The following TBC1D5 variants were observed in gnomAD, a reference collection of about 807,000 sequenced individuals.
TBC1D5 encodes the protein TBC1 domain family member 5, also known as TBC1 domain family, member 5.
TBC1D5 carries 75 observed loss-of-function variants against 100.3 expected under a neutral mutation model. That is an observed-to-expected ratio of 0.75 (90% CI 0.62 to 0.91). TBC1D5 has a LOEUF of 0.91. TBC1D5 is among the 40% of genes least tolerant of loss of function. The pLI, the probability that TBC1D5 is intolerant of heterozygous loss-of-function variation, is 0.00. For synonymous variants in TBC1D5, 323 were observed against 325.6 expected (o/e 0.99, Z 0.09); for missense variants, 910 against 942.4 (o/e 0.97, Z 0.45).
chr3:17,650,350 T>C (rs1032330364), intron 1 of TBC1D5, among the ~76,000 whole-genome samples: 1 of 151,684 alleles, frequency 6.6e-6, no homozygotes, highest in East Asian at 1.9e-4. Context: ...GAAAAAGAAA[T>C]AAAAGAAATG....
chr3:17,230,818 C>T (rs527643041), intron 17 of TBC1D5, among the ~76,000 whole-genome samples: 1 of 152,108 alleles, frequency 6.6e-6, no homozygotes, highest in Non-Finnish European at 1.5e-5. Context: ...TTCAGGACCG[C>T]TGTGGATACC....
intron 13 of TBC1D5, chr3:17,338,681 T>C (rs759102690): frequency 5.9e-5 from 9 of 152,246 alleles, no homozygotes; most frequent in Non-Finnish European, 1.2e-4. Flanking sequence ...TCATTCATAA[T>C]TGAAAGACAT....
At chr3:17,549,823 G>A (rs1380712256) in intron 2 of TBC1D5, among the ~76,000 whole-genome samples, 4 of 151,878 alleles carry the variant, frequency 2.6e-5, no homozygotes, top group Admixed American at 1.3e-4. Flanking sequence ...CCAGCTACTC[G>A]TGAGGCTGAG....
intron 13 of TBC1D5, among the ~76,000 whole-genome samples, chr3:17,350,460 A>T (rs904257908): frequency 1.3e-5 from 2 of 152,158 alleles, no homozygotes; most frequent in Non-Finnish European, 2.9e-5. Flanking sequence ...TATCATTTAC[A>T]TTATATACTT....
intron 2 of TBC1D5, among the ~76,000 whole-genome samples, chr3:17,621,993 A>C (rs535281186): frequency 3.3e-5 from 5 of 152,250 alleles, no homozygotes; most frequent in African/African-American, 9.6e-5. Flanking sequence ...TCATCCATCA[A>C]ATCTGATTGG....
intron 2 of TBC1D5, among the ~76,000 whole-genome samples, chr3:17,533,129 T>C (rs936787251): frequency 6.6e-6 from 1 of 151,468 alleles, no homozygotes; most frequent in African/African-American, 2.4e-5. Context: ...ACCTAAACTA[T>C]TAAATATTCT....
chr3:17,194,494 C>T (rs957133294), intron 18 of TBC1D5, among the ~76,000 whole-genome samples: 3 of 152,140 alleles, frequency 2.0e-5, no homozygotes, highest in Non-Finnish European at 4.4e-5. Flanking sequence ...AACATTTATA[C>T]AATTTCTCAT....
rs1188860526 is a variant in TBC1D5, at chr3:17,648,180, A to G, written c.-100-24267T>C. Among the ~76,000 whole-genome samples, 7 of 152,132 alleles carry G rather than the reference A, an allele frequency of 4.6e-5. 1 individual carries two copies. The highest frequency in any genetic ancestry group is 1.2e-4 in the African/African-American group (5 of 41,432). ...AGAGAGCCAAGAAATAGGGCCGCAC[A>G]TCTATGACCATCTGATCTTCAAAAC... On this transcript the variant is annotated intron_variant, in intron 1 of 21. Transcript: ENST00000253692.
At chr3:17,542,502 C>T (rs1051974375) in intron 2 of TBC1D5, among the ~76,000 whole-genome samples, 2 of 152,150 alleles carry the variant, frequency 1.3e-5, no homozygotes, top group African/African-American at 4.8e-5. Context: ...AAAAGTACCA[C>T]ACCCAGCCAA....
intron 3 of TBC1D5, among the ~76,000 whole-genome samples, chr3:17,501,062 C>T (rs2095782571): frequency 2.0e-5 from 3 of 149,644 alleles, no homozygotes; most frequent in Admixed American, 6.6e-5. Flanking sequence ...CTTGTTACTG[C>T]ATTCAGAAAC....
intron 14 of TBC1D5, among the ~76,000 whole-genome samples, chr3:17,305,353 T>C (rs1420391655): frequency 1.3e-5 from 2 of 152,202 alleles, no homozygotes; most frequent in African/African-American, 4.8e-5. Flanking sequence ...CCTTAGGTAA[T>C]AGGACCATAT....
intron 1 of TBC1D5, among the ~76,000 whole-genome samples, chr3:17,641,197 C>A (rs150592098): frequency 1.3e-5 from 2 of 152,046 alleles, no homozygotes. Context: ...CACCAGGGGT[C>A]CTATGAATTA....
intron 1 of TBC1D5, among the ~76,000 whole-genome samples, chr3:17,627,889 T>C (rs1316266357): frequency 6.6e-6 from 1 of 152,172 alleles, no homozygotes; most frequent in Non-Finnish European, 1.5e-5. Context: ...ACGTGCTTTT[T>C]ATGCTTTATA....
chr3:17,220,326 T>C (rs2074132205), intron 17 of TBC1D5, among the ~76,000 whole-genome samples: 1 of 152,156 alleles, frequency 6.6e-6, no homozygotes, highest in African/African-American at 2.4e-5. Context: ...TGATATTTTA[T>C]ATATGTGAAC....
chr3:17,358,039 C>G lies in TBC1D5; in HGVS notation c.995+14036G>C, dbSNP rs561517461. On this transcript the variant is annotated intron_variant, in intron 13 of 21. Coordinates refer to ENST00000253692, the Ensembl canonical transcript of TBC1D5. ...ATATATGTAGTTCTGTACCTCCCCC[C>G]ACAACTCACTCCAGTTGGGGAAATT... Among the ~76,000 whole-genome samples, 273 of 152,252 alleles carry G rather than the reference C, an allele frequency of 1.8e-3. 2 individuals carry two copies. The highest frequency in any genetic ancestry group is 6.1e-3 in the African/African-American group (255 of 41,546).
intron 2 of TBC1D5, among the ~76,000 whole-genome samples, chr3:17,585,827 G>C (rs1576855095): frequency 6.6e-6 from 1 of 152,088 alleles, no homozygotes; most frequent in Non-Finnish European, 1.5e-5. Flanking sequence ...TATACCTATA[G>C]GACTCGGCTC....
chr3:17,542,788 C>T (rs888906996), intron 2 of TBC1D5, among the ~76,000 whole-genome samples: 9 of 152,064 alleles, frequency 5.9e-5, no homozygotes, highest in African/African-American at 2.2e-4. Flanking sequence ...ATGAATCATC[C>T]TTGCATTCCA....
intron 13 of TBC1D5, among the ~76,000 whole-genome samples, chr3:17,331,806 AAAG>A (rs2151171282): frequency 1.3e-5 from 2 of 152,362 alleles, no homozygotes; most frequent in African/African-American, 2.4e-5. Flanking sequence ...TAGAGATGTT[AAAG>A]AAGGAGACAG....
At chr3:17,411,978 T>C (rs1348631106) in intron 4 of TBC1D5, among the ~76,000 whole-genome samples, 1 of 152,214 alleles carries the variant, frequency 6.6e-6, no homozygotes, top group Non-Finnish European at 1.5e-5. Context: ...TTCATTTCTA[T>C]TGAATAGTGT....
Sources: allele counts gnomAD v4.1 joint callset (sites outside exome capture counted in the v4.1 genomes callset), GRCh38; gene constraint gnomAD v4.1.1; transcripts MANE v1.5; gene names NCBI Gene and HGNC (gene_info 2026-07-23, HGNC 2026-07-21).